PELP1: variants seen among roughly 807,000 people sequenced by gnomAD.
The protein encoded by PELP1 is proline-, glutamic acid- and leucine-rich protein 1.
Under a neutral mutation model 95.5 loss-of-function variants are expected in PELP1, and 32 were observed. The observed-to-expected ratio is 0.34, with a 90% CI of 0.25 to 0.45. PELP1 has a LOEUF of 0.45. PELP1 is among the 20% of genes least tolerant of loss of function. The pLI, the probability that PELP1 is intolerant of heterozygous loss-of-function variation, is 1.00. For missense variants in PELP1, 1,358 were observed against 1,444.8 expected, an observed-to-expected ratio of 0.94 and a Z score of 0.97; for synonymous variants, 668 against 600.1, an observed-to-expected ratio of 1.11 and a Z score of -1.65.
rs762145792 is a variant in PELP1 at position 4,672,560 on chromosome 17, T to C, written c.2431A>G (p.Ile811Val). 6.9e-6 allele frequency: 7 copies of C among 1,016,226 alleles called. No homozygotes were observed. Among genetic ancestry groups the C allele is most frequent in the Admixed American group, 3.3e-5 (1 of 30,000 alleles). 63.0% of individuals were successfully genotyped at this position (1,016,226 alleles called of 1,614,324 possible). ...GCTGTTGGTGGCCCAGTGGGGGCTATAGGGGGTGGTGTGGCACCTGAGGGT... is the reference window on the plus strand; with the variant it reads ...GCTGTTGGTGGCCCAGTGGGGGCTACAGGGGGTGGTGTGGCACCTGAGGGT... ...PPPSGATPPP[I>V]APTGPPTASP... Residue 811 changes from isoleucine (I) to valine (V), a missense_variant, in exon 16 of 17, where the codon ATA (isoleucine) becomes GTA (valine). Physicochemically the swap from Ile to Val is conservative, Grantham distance 29 (BLOSUM62 3). Transcript: ENST00000572293.
intron 2 of PELP1, 101 bp downstream of exon 2, chr17:4,691,277 G>T: frequency 9.3e-6 from 8 of 856,702 alleles, no homozygotes; most frequent in Non-Finnish European, 1.6e-5. Flanking sequence ...ATAGAGAGAG[G>T]TCTTGAATCC....
chr17:4,678,738 C>A lies in PELP1; in HGVS notation c.643-1926G>T, dbSNP rs75836328. ...TGTGGCAAGGACGAGGAAGTGAGTTCAAGTCTCTGCAGGAATTGACCTCAT... is the reference window on the plus strand; with the variant it reads ...TGTGGCAAGGACGAGGAAGTGAGTTAAAGTCTCTGCAGGAATTGACCTCAT... On this transcript the variant is annotated intron_variant, in intron 5 of 16. Transcript: ENST00000572293. Among the ~76,000 whole-genome samples, 33 of 152,290 alleles carry A rather than the reference C, an allele frequency of 2.2e-4. No individual in the cohort carries two copies. In the East Asian group the frequency reaches 6.4e-3, roughly 29 times the overall value.
rs1597461459 is a variant in PELP1 at position 4,704,034 on chromosome 17, T to G, written c.78A>C (p.Ala26=). ...GGCGGAGCCGCGGGCCCGAGCTCAC[T>G]GCCGAGAGACCCCCGGTCCCGCCAG... ...GVPGGTGGLS[A]VSSGPRLRLL... The change falls in exon 1 of 17, where the codon GCA becomes GCC. Residue 26 remains alanine, a synonymous_variant. Coordinates refer to ENST00000572293, the MANE Select transcript of PELP1 (RefSeq NM_014389.3). 1 of 1,612,834 alleles carries G rather than the reference T, an allele frequency of 6.2e-7. No homozygotes were observed. Among genetic ancestry groups the G allele is most frequent in the Admixed American group, 1.7e-5 (1 of 60,004 alleles).
intron 3 of PELP1, among the ~76,000 whole-genome samples, chr17:4,683,409 A>G (rs1220885200): frequency 6.6e-6 from 1 of 151,216 alleles, no homozygotes; most frequent in Admixed American, 6.6e-5. Context: ...TTTAGTAGAG[A>G]CGGGGTTTCA....
chr17:4,676,327 G>A, intron 7 of PELP1, 30 bp downstream of exon 7: 1 of 1,606,968 alleles, frequency 6.2e-7, no homozygotes, highest in South Asian at 1.1e-5. Context: ...CCTCACTATT[G>A]TTCCACTAAC....
chr17:4,689,688 A>G (rs1005513897), intron 3 of PELP1, among the ~76,000 whole-genome samples: 1 of 152,232 alleles, frequency 6.6e-6, no homozygotes, highest in African/African-American at 2.4e-5. Context: ...AATTGCAAAA[A>G]TGTGGAACCA....
At chr17:4,676,254 T>C in intron 7 of PELP1, 92 bp from the exon 8 acceptor site, 2 of 1,583,074 alleles carry the variant, frequency 1.3e-6, no homozygotes, top group Non-Finnish European at 1.7e-6. Flanking sequence ...TCTAACCCAT[T>C]TTCCCCAAAA....
At chr17:4,684,396 C>A (rs1405490815) in intron 3 of PELP1, among the ~76,000 whole-genome samples, 1 of 152,172 alleles carries the variant, frequency 6.6e-6, no homozygotes, top group Non-Finnish European at 1.5e-5. Context: ...GAGATAATTA[C>A]AAGTAACTAT....
chr17:4,671,639 C>A, intron 16 of PELP1, 52 bp downstream of exon 16: 3 of 1,600,844 alleles, frequency 1.9e-6, no homozygotes, highest in East Asian at 2.2e-5. Flanking sequence ...CACCCCTTCT[C>A]CCGCCAGCCC....
intron 6 of PELP1, 34 bp downstream of exon 6, chr17:4,676,718 TC>T: frequency 6.5e-7 from 1 of 1,534,176 alleles, no homozygotes; most frequent in East Asian, 2.4e-5. Context: ...CAGGCTCAGA[TC>T]CCCGGGCTCT....
chr17:4,676,265 A>G, intron 7 of PELP1, 92 bp downstream of exon 7: 2 of 1,578,566 alleles, frequency 1.3e-6, no homozygotes, highest in South Asian at 2.3e-5. Context: ...TTCCCCAAAA[A>G]CCAACTGCCC....
At chr17:4,684,932 C>T (rs1051205828) in intron 3 of PELP1, among the ~76,000 whole-genome samples, 19 of 152,270 alleles carry the variant, frequency 1.2e-4, no homozygotes, top group African/African-American at 4.6e-4. Flanking sequence ...AATTCCTGAC[C>T]TCGTTATCTG....
chr17:4,675,446 A>AT lies in PELP1; in HGVS notation c.1069-85dup. 1.1e-6 allele frequency: 1 copy of AT among 870,246 alleles called. No individual in the cohort carries two copies. 53.9% of individuals were successfully genotyped at this position (870,246 alleles called of 1,614,324 possible). A position where few individuals can be genotyped will look rare whatever the true frequency, so the allele number is the denominator to read the frequency against. ...ACAGAAACAGGGAATGACCATTTAC[A>AT]TATGTACACATAGGTAAGAAACCCA... is the stretch of plus-strand genomic sequence containing the variant. On this transcript the variant is annotated intron_variant, in intron 9 of 16. Coordinates refer to ENST00000572293, the MANE Select transcript of PELP1 (RefSeq NM_014389.3). The surrounding 1 kb of genome is among the most constrained non-coding windows in gnomAD (Gnocchi z 4.3).
Position 4,672,377 on chromosome 17 carries a change from G to T in PELP1, c.2614C>A (p.Pro872Thr). ...PEGTPGGGGP[P>T]ALEEDLTVIN... Reference sequence around the variant, plus strand: ...ACTGTCAAATCCTCTTCCAGGGCTGGGGGTCCTCCCCCACCAGGAGTCCCT... The same window carrying T: ...ACTGTCAAATCCTCTTCCAGGGCTGTGGGTCCTCCCCCACCAGGAGTCCCT... Residue 872 changes from proline (P) to threonine (T), a missense_variant, in exon 16 of 17, where the codon CCA becomes ACA. Transcript: ENST00000572293. 6.4e-7 allele frequency: 1 copy of T among 1,554,634 alleles called. No individual in the cohort carries two copies. Among genetic ancestry groups the T allele is most frequent in the Non-Finnish European group, 8.7e-7 (1 of 1,148,620 alleles).
At chr17:4,688,920 G>T (rs1913000129) in intron 3 of PELP1, among the ~76,000 whole-genome samples, 1 of 152,034 alleles carries the variant, frequency 6.6e-6, no homozygotes, top group Non-Finnish European at 1.5e-5. Context: ...ACAAATCTGG[G>T]CGCATCACAT....
chr17:4,687,853 G>GA (rs1470473112), intron 3 of PELP1, among the ~76,000 whole-genome samples: 1 of 152,052 alleles, frequency 6.6e-6, no homozygotes, highest in African/African-American at 2.4e-5. Flanking sequence ...AAAAGTAGGG[G>GA]AAAAAAATTA....
chr17:4,673,095 G>A lies in PELP1; in HGVS notation c.1896C>T (p.His632=), dbSNP rs771675044. The A allele has an allele frequency of 1.2e-5, 19 of 1,522,824 alleles. No individual in the cohort carries two copies. The highest frequency in any genetic ancestry group is 2.7e-5 in the South Asian group (2 of 75,380). The allele number at this position is 1,522,824 out of a possible 1,614,324, so 94.3% of individuals were successfully genotyped here. Residue 632 remains histidine, a synonymous_variant, in exon 16 of 17, where the codon CAC becomes CAT. Transcript: ENST00000572293. The surrounding 1 kb of genome is among the most constrained non-coding windows in gnomAD (Gnocchi z 5.7). ...TGGGCTGCAGGGGAGGAACCCGGGGGTGGGTCAGAGCAGCACAGGTCACCA... is the reference window on the plus strand; with the variant it reads ...TGGGCTGCAGGGGAGGAACCCGGGGATGGGTCAGAGCAGCACAGGTCACCA... The part of the protein sequence containing the change: ...EALVTCAALT[H]PRVPPLQPMG...
chr17:4,689,495 T>A (rs1005398571), intron 3 of PELP1, among the ~76,000 whole-genome samples: 2 of 151,850 alleles, frequency 1.3e-5, no homozygotes, highest in African/African-American at 2.4e-5. Flanking sequence ...AATAATCACA[T>A]CAAAAAGTGA....
At chr17:4,699,871 G>C (rs1023562260) in intron 1 of PELP1, among the ~76,000 whole-genome samples, 7 of 144,916 alleles carry the variant, frequency 4.8e-5, no homozygotes, top group Admixed American at 7.1e-5. Context: ...ACAGATGTGA[G>C]TCACTGCACC....
Sources: allele counts gnomAD v4.1 joint callset (sites outside exome capture counted in the v4.1 genomes callset), GRCh38; gene constraint gnomAD v4.1.1; non-coding constraint Gnocchi (gnomAD v3.1); transcripts MANE v1.5; gene names NCBI Gene and HGNC (gene_info 2026-07-23, HGNC 2026-07-21).